ADAMTSL1: variants seen among roughly 807,000 people sequenced by gnomAD.
The protein encoded by ADAMTSL1 is ADAMTS like 1.
Under a neutral mutation model 201.8 loss-of-function variants are expected in ADAMTSL1, and 126 were observed. The ratio of observed to expected loss-of-function variants is 0.62; its 90% CI spans 0.54 to 0.72. ADAMTSL1 has a LOEUF of 0.72. Among genes scored for constraint, ADAMTSL1 ranks in the 30% least tolerant of loss-of-function variants. ADAMTSL1 has a pLI of 0.00. For missense variants in ADAMTSL1, 2,679 were observed against 2,277.8 expected, an observed-to-expected ratio of 1.18 and a Z score of -3.59; for synonymous variants, 1,121 against 903.4, an observed-to-expected ratio of 1.24 and a Z score of -4.32.
intron 16 of ADAMTSL1, among the ~76,000 whole-genome samples, chr9:18,762,865 T>C (rs537473411): frequency 6.6e-6 from 1 of 152,230 alleles, no homozygotes; most frequent in Non-Finnish European, 1.5e-5. Context: ...TACTCCATTG[T>C]GTATGTGTAC....
intron 2 of ADAMTSL1, among the ~76,000 whole-genome samples, chr9:18,181,598 C>A (rs1190863068): frequency 6.6e-6 from 1 of 152,146 alleles, no homozygotes; most frequent in Non-Finnish European, 1.5e-5. Context: ...TACCATCTCA[C>A]ACCATTTAGA....
At chr9:18,095,835 G>A (rs1824227997) in intron 1 of ADAMTSL1, among the ~76,000 whole-genome samples, 1 of 152,154 alleles carries the variant, frequency 6.6e-6, no homozygotes, top group Non-Finnish European at 1.5e-5. Context: ...TTCTTTTAGT[G>A]GGAAATGGTA....
chr9:18,663,596 A>ACC (rs1442926787), intron 9 of ADAMTSL1, among the ~76,000 whole-genome samples: 1 of 152,136 alleles, frequency 6.6e-6, no homozygotes, highest in Non-Finnish European at 1.5e-5. Context: ...TAATTCAGAC[A>ACC]GGTCAAGTCA....
intron 2 of ADAMTSL1, among the ~76,000 whole-genome samples, chr9:18,278,309 C>T (rs1832662521): frequency 6.6e-6 from 1 of 152,072 alleles, no homozygotes; most frequent in Non-Finnish European, 1.5e-5. Flanking sequence ...TTGAATAATT[C>T]CCTTTAGCAT....
chr9:18,894,848 G>A (rs1260352820), intron 26 of ADAMTSL1, among the ~76,000 whole-genome samples: 2 of 152,036 alleles, frequency 1.3e-5, no homozygotes, highest in Admixed American at 1.3e-4. Flanking sequence ...AAAAGGCACA[G>A]GACAGAACCC....
At chr9:18,819,007 G>A (rs1450031263) in intron 21 of ADAMTSL1, among the ~76,000 whole-genome samples, 1 of 152,136 alleles carries the variant, frequency 6.6e-6, no homozygotes, top group East Asian at 1.9e-4. Flanking sequence ...TCTGTGCAGG[G>A]ATTAATGGTG....
At chr9:18,252,614 C>G (rs1406982737) in intron 2 of ADAMTSL1, among the ~76,000 whole-genome samples, 1 of 152,062 alleles carries the variant, frequency 6.6e-6, no homozygotes, top group East Asian at 1.9e-4. Flanking sequence ...ATGTTCAGTA[C>G]AAATGCAATT....
At chr9:18,033,556 C>G (rs914121911) in intron 1 of ADAMTSL1, among the ~76,000 whole-genome samples, 1 of 152,188 alleles carries the variant, frequency 6.6e-6, no homozygotes, top group African/African-American at 2.4e-5. Context: ...GAATGTCCTT[C>G]TAACCAGCCT....
intron 3 of ADAMTSL1, among the ~76,000 whole-genome samples, chr9:18,548,722 TG>T (rs1820620737): frequency 6.6e-6 from 1 of 151,774 alleles, no homozygotes; most frequent in African/African-American, 2.4e-5. Flanking sequence ...GACTTTATGT[TG>T]AAAAGAAACA....
intron 1 of ADAMTSL1, among the ~76,000 whole-genome samples, chr9:17,998,924 T>A (rs1186211616): frequency 6.6e-6 from 1 of 152,088 alleles, no homozygotes; most frequent in African/African-American, 2.4e-5. Flanking sequence ...CTGCTGTGCA[T>A]CAAGTCAATG....
At chr9:18,081,859 T>C (rs775653395) in intron 1 of ADAMTSL1, among the ~76,000 whole-genome samples, 3 of 152,218 alleles carry the variant, frequency 2.0e-5, no homozygotes, top group African/African-American at 7.2e-5. Flanking sequence ...AGAAAAGCTA[T>C]GTAACTGTGA....
chr9:18,107,800 G>C (rs1334952677), intron 1 of ADAMTSL1, among the ~76,000 whole-genome samples: 2 of 152,066 alleles, frequency 1.3e-5, no homozygotes, highest in African/African-American at 4.8e-5. Context: ...TAACTGGAAG[G>C]CAGGTATATA....
At chr9:18,748,463 G>T (rs1215825564) in intron 15 of ADAMTSL1, among the ~76,000 whole-genome samples, 2 of 152,328 alleles carry the variant, frequency 1.3e-5, no homozygotes, top group African/African-American at 4.8e-5. Flanking sequence ...TAATCTTGCT[G>T]TGGTAAAATG....
chr9:18,352,695 C>A (rs1026390650), intron 2 of ADAMTSL1, among the ~76,000 whole-genome samples: 1 of 152,054 alleles, frequency 6.6e-6, no homozygotes, highest in Non-Finnish European at 1.5e-5. Context: ...TGATTTATTC[C>A]CTACAGAAAA....
chr9:18,200,307 A>G (rs1829385504), intron 2 of ADAMTSL1, among the ~76,000 whole-genome samples: 1 of 151,826 alleles, frequency 6.6e-6, no homozygotes, highest in Admixed American at 6.6e-5. Context: ...CAGATAATAT[A>G]ATTTTGTTTT....
At chr9:18,500,318 T>C (rs901998002) in intron 1 of ADAMTSL1, among the ~76,000 whole-genome samples, 3 of 152,228 alleles carry the variant, frequency 2.0e-5, no homozygotes, top group Admixed American at 6.5e-5. Flanking sequence ...GGTTGATGGA[T>C]GTAGGAGAGC....
chr9:18,866,003 G>T (rs1355114210), intron 23 of ADAMTSL1, among the ~76,000 whole-genome samples: 1 of 151,474 alleles, frequency 6.6e-6, no homozygotes, highest in Non-Finnish European at 1.5e-5. Flanking sequence ...AGGAAAGGGA[G>T]GGTTGGGAAT....
chr9:18,504,001 T>TGC (rs1350045257), intron 1 of ADAMTSL1, among the ~76,000 whole-genome samples: 3 of 151,916 alleles, frequency 2.0e-5, no homozygotes, highest in African/African-American at 4.8e-5. Context: ...TGTGTGTGTG[T>TGC]GTGTGCAGTA....
intron 15 of ADAMTSL1, among the ~76,000 whole-genome samples, chr9:18,742,292 A>T (rs1446109952): frequency 6.6e-6 from 1 of 152,220 alleles, no homozygotes; most frequent in African/African-American, 2.4e-5. Context: ...GAGTAATGCC[A>T]CCTACAAATC....
Sources: gnomAD v4.1 joint callset for allele counts (sites outside exome capture counted in the v4.1 genomes callset) on GRCh38, gnomAD v4.1.1 for gene constraint, MANE v1.5 for transcripts, NCBI Gene and HGNC (gene_info 2026-07-23, HGNC 2026-07-21) for gene names.